The following NAA11 variants were observed in gnomAD, a reference collection of about 807,000 sequenced individuals.
The protein encoded by NAA11 is N-alpha-acetyltransferase 11, NatA catalytic subunit, also known as N-alpha-acetyltransferase 11.
A neutral mutation model predicts 16.1 loss-of-function variants in NAA11; 15 were observed. The observed-to-expected ratio is 0.93, with a 90% CI of 0.62 to 1.44. The LOEUF (loss-of-function observed/expected upper bound fraction) is 1.44, where lower values mean the gene tolerates loss of function less well. NAA11 is among the 40% of genes most tolerant of loss of function. NAA11 has a pLI of 0.00. For synonymous variants in NAA11, 122 were observed against 112.4 expected (o/e 1.09, Z -0.54); for missense variants, 298 against 291.3 (o/e 1.02, Z -0.17).
At chr4:79,229,989 T>A (rs1295910201) in intron 2 of NAA11, among the ~76,000 whole-genome samples, 1 of 152,040 alleles carries the variant, frequency 6.6e-6, no homozygotes, top group Admixed American at 6.6e-5. Flanking sequence ...TTTAAAAAGA[T>A]TTTATTCTTT....
chr4:79,251,028 A>T (rs1481716823), intron 2 of NAA11, among the ~76,000 whole-genome samples: 1 of 152,270 alleles, frequency 6.6e-6, no homozygotes, highest in Non-Finnish European at 1.5e-5. Context: ...GTGGAAACGT[A>T]AATTATTAAT....
chr4:79,163,374 A>G, the NAA11 span, among the ~76,000 whole-genome samples: 4 of 152,168 alleles, frequency 2.6e-5, no homozygotes, highest in African/African-American at 9.7e-5. Flanking sequence ...AAAAACATTA[A>G]GCAGGCCCTT....
chr4:79,243,528 A>G (rs1464328377), intron 2 of NAA11, among the ~76,000 whole-genome samples: 1 of 152,030 alleles, frequency 6.6e-6, no homozygotes, highest in Non-Finnish European at 1.5e-5. Flanking sequence ...CATGAGAGCA[A>G]TCTCTTTTGT....
intron 2 of NAA11, among the ~76,000 whole-genome samples, chr4:79,235,183 T>A (rs1721546476): frequency 6.6e-6 from 1 of 152,062 alleles, no homozygotes; most frequent in South Asian, 2.1e-4. Context: ...TCTAAACACT[T>A]GCTGACTGTC....
At chr4:79,211,987 C>G in the NAA11 span, among the ~76,000 whole-genome samples, 1 of 152,150 alleles carries the variant, frequency 6.6e-6, no homozygotes, top group Non-Finnish European at 1.5e-5. Flanking sequence ...AAAGACTCTG[C>G]CAATGCCAGG....
the NAA11 span, among the ~76,000 whole-genome samples, chr4:79,183,291 C>T: frequency 2.1e-3 from 327 of 152,212 alleles, 2 homozygotes; most frequent in African/African-American, 7.4e-3. Flanking sequence ...GCATTGCATA[C>T]AATTTCAAGG....
At chr4:79,201,374 C>T in the NAA11 span, among the ~76,000 whole-genome samples, 1 of 151,658 alleles carries the variant, frequency 6.6e-6, no homozygotes, top group Admixed American at 6.6e-5. Context: ...AATGAGATTG[C>T]TTATTTCAAT....
At chr4:79,274,009 G>A (rs1722561900) in intron 2 of NAA11, among the ~76,000 whole-genome samples, 3 of 152,050 alleles carry the variant, frequency 2.0e-5, no homozygotes, top group Admixed American at 2.0e-4. Flanking sequence ...CATGCTGTCA[G>A]TTGATGAACA....
At chr4:79,192,075 G>T in the NAA11 span, among the ~76,000 whole-genome samples, 11 of 152,220 alleles carry the variant, frequency 7.2e-5, no homozygotes, top group African/African-American at 2.6e-4. Flanking sequence ...TGCTGTTTTG[G>T]TTACTGTAGC....
intron 1 of NAA11, chr4:79,299,495 A>C (rs1175835591): frequency 6.6e-6 from 1 of 152,228 alleles, no homozygotes; most frequent in Non-Finnish European, 1.5e-5. Context: ...CCAATGTTGT[A>C]CTTATGGTTT....
chr4:79,286,829 G>A (rs1722949926), intron 2 of NAA11, among the ~76,000 whole-genome samples: 1 of 151,972 alleles, frequency 6.6e-6, no homozygotes, highest in Non-Finnish European at 1.5e-5. Context: ...TTAATTTAGG[G>A]TAAACCAGCC....
downstream of NAA11, among the ~76,000 whole-genome samples, chr4:79,221,312 A>G (rs1183538884): frequency 4.0e-5 from 6 of 151,206 alleles, no homozygotes. Context: ...CAATCATGTC[A>G]TCTGCAAACA....
chr4:79,320,188 C>T (rs55790423), intron 1 of NAA11, among the ~76,000 whole-genome samples: 9,250 of 152,224 alleles, frequency 0.061, 307 homozygotes, highest in Middle Eastern at 0.11. Flanking sequence ...GAAACTCTGC[C>T]GTTGACAAGC....
At chr4:79,309,108 TAA>T (rs59027461) in intron 1 of NAA11, among the ~76,000 whole-genome samples, 25,441 of 152,144 alleles carry the variant, frequency 0.17, 3,702 homozygotes, top group African/African-American at 0.39. Flanking sequence ...TACCTATAGT[TAA>T]TTACTGGTAA....
the NAA11 span, among the ~76,000 whole-genome samples, chr4:79,185,069 T>C: frequency 6.6e-6 from 1 of 152,180 alleles, no homozygotes; most frequent in African/African-American, 2.4e-5. Flanking sequence ...GAGTTTGTTT[T>C]TTTAATTGAA....
At chr4:79,160,710 G>T in the NAA11 span, among the ~76,000 whole-genome samples, 1 of 151,880 alleles carries the variant, frequency 6.6e-6, no homozygotes, top group African/African-American at 2.4e-5. Flanking sequence ...ATTTTTAAAC[G>T]GTTGAGTTGT....
intron 1 of NAA11, among the ~76,000 whole-genome samples, chr4:79,305,620 A>G (rs1353115795): frequency 6.6e-6 from 1 of 152,208 alleles, no homozygotes; most frequent in Non-Finnish European, 1.5e-5. Flanking sequence ...GATAGGAAGC[A>G]GTGAGATGGG....
At chr4:79,303,076 T>TTTTATA (rs1553896049) in intron 1 of NAA11, among the ~76,000 whole-genome samples, 2 of 67,520 alleles carry the variant, frequency 3.0e-5, no homozygotes, top group Admixed American at 1.7e-4. Context: ...TTGAGGCCTT[T>TTTTATA]TATATATATA....
rs144801247 is a variant in NAA11 at position 79,263,266 on chromosome 4, T to C, written c.*122+30739A>G. Among the ~76,000 whole-genome samples, 99 of 152,276 alleles carry C rather than the reference T, an allele frequency of 6.5e-4. 2 individuals are homozygous for C. The highest frequency in any genetic ancestry group is 2.3e-3 in the African/African-American group (95 of 41,562). On this transcript the variant is annotated intron_variant and NMD_transcript_variant, in intron 2 of 2. Transcript: ENST00000511542. ...ACATTTAGAAGCATGAAAACTTTCC[T>C]GTAGGGTGTATATTTGCATGCATGT...
Sources: allele counts gnomAD v4.1 joint callset (sites outside exome capture counted in the v4.1 genomes callset), GRCh38; gene constraint gnomAD v4.1.1; transcripts MANE v1.5; gene names NCBI Gene and HGNC (gene_info 2026-07-23, HGNC 2026-07-21).